The following HELLS variants were observed in gnomAD, a reference collection of about 807,000 sequenced individuals.
HELLS encodes lymphoid-specific helicase.
A neutral mutation model predicts 120.0 loss-of-function variants in HELLS; 32 were observed. That is an observed-to-expected ratio of 0.27 (90% CI 0.20 to 0.36). The LOEUF (loss-of-function observed/expected upper bound fraction) is 0.36, where lower values mean the gene tolerates loss of function less well. HELLS is among the 10% of genes least tolerant of loss of function. HELLS has a pLI of 1.00. For synonymous variants in HELLS, 341 were observed against 323.4 expected, an observed-to-expected ratio of 1.05 and a Z score of -0.58; for missense variants, 650 against 993.4, an observed-to-expected ratio of 0.65 and a Z score of 4.65.
intron 2 of HELLS, among the ~76,000 whole-genome samples, chr10:94,552,808 CA>C (rs35245286): frequency 0.45 from 65,381 of 144,368 alleles, 14,440 homozygotes; most frequent in East Asian, 0.72. Context: ...CCTGTCTTTA[CA>C]AAAAAAAAAA....
At chr10:94,591,887 T>C (rs1200314611) in intron 15 of HELLS, among the ~76,000 whole-genome samples, 2 of 152,248 alleles carry the variant, frequency 1.3e-5, no homozygotes, top group African/African-American at 2.4e-5. Context: ...AGTTTACATA[T>C]ACATTTAGTT....
At chr10:94,555,672 C>T (rs1472190128) in intron 3 of HELLS, among the ~76,000 whole-genome samples, 2 of 152,118 alleles carry the variant, frequency 1.3e-5, no homozygotes, top group Non-Finnish European at 2.9e-5. Context: ...CTCTGTTGCC[C>T]AGGCTGGTGT....
chr10:94,583,620 C>G (rs754930967), intron 12 of HELLS, among the ~76,000 whole-genome samples: 4 of 152,062 alleles, frequency 2.6e-5, no homozygotes, highest in Non-Finnish European at 4.4e-5. Context: ...AAAAATATCA[C>G]TTCCTCTTAA....
chr10:94,576,394 G>A lies in HELLS; in HGVS notation c.889-268G>A, dbSNP rs60526621. On this transcript the variant is annotated intron_variant, in intron 9 of 21. Coordinates refer to ENST00000348459, the MANE Select transcript of HELLS (RefSeq NM_018063.5). ...CTCGAACTACTGGACTTTAGAGATC[G>A]GCTTGCCTTGGCTTCCCAAAGTGTT... 3.3e-3 allele frequency among the ~76,000 whole-genome samples: 497 copies of A among 152,154 alleles called. 2 individuals carry two copies. The highest frequency in any genetic ancestry group is 0.011 in the African/African-American group (472 of 41,520).
At chr10:94,579,572 C>A (rs1589740501) in intron 10 of HELLS, among the ~76,000 whole-genome samples, 3 of 149,446 alleles carry the variant, frequency 2.0e-5, no homozygotes, top group Admixed American at 2.0e-4. Flanking sequence ...GACAGGGTCT[C>A]ACTTTGTCAC....
chr10:94,548,985 T>G (rs1000862052), intron 2 of HELLS, among the ~76,000 whole-genome samples: 1 of 152,062 alleles, frequency 6.6e-6, no homozygotes, highest in African/African-American at 2.4e-5. Context: ...CAGAGCAAGA[T>G]TCCGTCTCAA....
intron 10 of HELLS, 180 bp downstream of exon 10, chr10:94,576,985 A>T: frequency 1.6e-6 from 1 of 610,050 alleles, no homozygotes; most frequent in Non-Finnish European, 2.9e-6. Flanking sequence ...ATTGGGATGA[A>T]GGCCATCATT....
At chr10:94,602,152 C>T (rs1180672102), downstream of HELLS, 3 of 152,266 alleles carry the variant, frequency 2.0e-5, no homozygotes, top group Non-Finnish European at 2.9e-5. Context: ...TAGCAAAAGA[C>T]TTGGCTGTCG....
chr10:94,558,690 C>T (rs975407605), intron 4 of HELLS, among the ~76,000 whole-genome samples: 1 of 152,076 alleles, frequency 6.6e-6, no homozygotes, highest in Non-Finnish European at 1.5e-5. Context: ...CAAGCTCTGC[C>T]TCCCGGGTTC....
intron 12 of HELLS, among the ~76,000 whole-genome samples, chr10:94,585,923 A>T (rs1242599839): frequency 2.0e-5 from 3 of 151,974 alleles, no homozygotes; most frequent in Non-Finnish European, 1.5e-5. Flanking sequence ...CTGCTTTGAA[A>T]GCTTGTATAC....
At chr10:94,549,838 A>G (rs1842897659) in intron 2 of HELLS, among the ~76,000 whole-genome samples, 1 of 152,192 alleles carries the variant, frequency 6.6e-6, no homozygotes, top group Non-Finnish European at 1.5e-5. Flanking sequence ...TTAAGGATTA[A>G]CCACTTACAT....
intron 7 of HELLS, 134 bp downstream of exon 7, chr10:94,571,563 TG>T: frequency 1.6e-6 from 1 of 640,290 alleles, no homozygotes; most frequent in East Asian, 3.6e-5. Context: ...AAAATACCTA[TG>T]TATTCACTTC....
At chr10:94,585,385 G>GTT (rs10540229) in intron 12 of HELLS, among the ~76,000 whole-genome samples, 1 of 122,012 alleles carries the variant, frequency 8.2e-6, no homozygotes, top group Non-Finnish European at 1.7e-5. Context: ...GTTTGTTTTT[G>GTT]TTTTTTTTTT....
At chr10:94,572,960 TC>T (rs1844249894) in intron 7 of HELLS, among the ~76,000 whole-genome samples, 1 of 152,310 alleles carries the variant, frequency 6.6e-6, no homozygotes, top group African/African-American at 2.4e-5. Context: ...ATGTTTTCTT[TC>T]TTTTTTTTTC....
At chr10:94,571,360 ATTTG>A in intron 6 of HELLS, 24 bp from the exon 7 acceptor site, 2 of 1,426,068 alleles carry the variant, frequency 1.4e-6, no homozygotes, top group Non-Finnish European at 1.9e-6. Flanking sequence ...TACATTATTA[ATTTG>A]TTTTTGTTTT....
chr10:94,596,786 G>T (rs1845760863), intron 19 of HELLS, 74 bp from the exon 20 acceptor site: 1 of 763,730 alleles, frequency 1.3e-6, no homozygotes, highest in South Asian at 1.8e-5. Context: ...GCAAGCCATT[G>T]TGATTGGTTT....
At chr10:94,565,994 G>A (rs1843777596) in intron 6 of HELLS, among the ~76,000 whole-genome samples, 1 of 151,894 alleles carries the variant, frequency 6.6e-6, no homozygotes, top group South Asian at 2.1e-4. Context: ...CCAGACTCAA[G>A]TGATCCTCGT....
chr10:94,599,178 T>C (rs539982845), intron 21 of HELLS, among the ~76,000 whole-genome samples: 8 of 152,176 alleles, frequency 5.3e-5, no homozygotes, highest in African/African-American at 1.9e-4. Flanking sequence ...GGGAGAAATA[T>C]GAGACATACA....
intron 6 of HELLS, among the ~76,000 whole-genome samples, chr10:94,567,838 G>A (rs1232469452): frequency 6.6e-6 from 1 of 152,034 alleles, no homozygotes; most frequent in East Asian, 1.9e-4. Context: ...AGCCTGGGGA[G>A]GTGAAGGCTG....
Sources: allele counts gnomAD v4.1 joint callset (sites outside exome capture counted in the v4.1 genomes callset), GRCh38; gene constraint gnomAD v4.1.1; transcripts MANE v1.5; gene names NCBI Gene and HGNC (gene_info 2026-07-23, HGNC 2026-07-21).